Variants in BAG3 observed in about 807,000 individuals in gnomAD.
BAG3 encodes BAG cochaperone 3, also known as BAG family molecular chaperone regulator 3.
In BAG3, 14 loss-of-function variants were observed where a neutral mutation model predicts 40.5. The observed-to-expected ratio is 0.35, with a 90% CI of 0.23 to 0.54. The LOEUF is 0.54. Ranked by LOEUF, BAG3 falls within the 20% of genes least tolerant of loss-of-function variation. The probability of loss-of-function intolerance (pLI) is 0.91; values close to 1 mark genes in which losing one functional copy is unlikely to be tolerated. For synonymous variants in BAG3, 302 were observed against 307.8 expected (o/e 0.98, Z 0.20); for missense variants, 788 against 758.6 (o/e 1.04, Z -0.46).
chr10:119,676,518 G>T lies in BAG3; in HGVS notation c.964G>T (p.Glu322Ter), dbSNP rs1441454058. The T allele has an allele frequency of 6.2e-7, 1 of 1,613,740 alleles. No homozygotes were observed. The change falls in exon 4 of 4, where the codon GAA becomes TAA. Residue 322 changes from glutamate to a stop codon, truncating the protein, a stop_gained. Transcript: ENST00000369085. LOFTEE classifies it high-confidence loss of function. ...TGTTTCCCAGCCTGAAAACAAACCA[G>T]AAAGTAAGCCAGGCCCAGTTGGACC... ...APVSQPENKP[E>*]SKPGPVGPEL...
chr10:119,671,165 G>C (rs943609407), intron 2 of BAG3, among the ~76,000 whole-genome samples: 1 of 152,052 alleles, frequency 6.6e-6, no homozygotes. Flanking sequence ...AAAATTAGCC[G>C]GGCATGGTGG....
Position 119,672,746 on chromosome 10 carries a change from T to A in BAG3, c.909+90T>A. ...GTGGGTGCCCTGGGTTCCCCCTTCA[T>A]CCCTGCCTATTTAACATGCGTGTAC... On this transcript the variant is annotated intron_variant, in intron 3 of 3. Coordinates refer to ENST00000369085, the MANE Select transcript of BAG3 (RefSeq NM_004281.4). The surrounding 1 kb of genome is among the most constrained non-coding windows in gnomAD (Gnocchi z 4.8). 6.4e-7 allele frequency: 1 copy of A among 1,564,742 alleles called. No individual in the cohort carries two copies. Among genetic ancestry groups the A allele is most frequent in the Non-Finnish European group, 8.7e-7 (1 of 1,151,212 alleles).
At position 119,654,452 on chromosome 10, in the gene BAG3, G is replaced by T. The variant is rs187196763; in HGVS notation, c.180+2597G>T. On this transcript the variant is annotated intron_variant, in intron 1 of 3. Coordinates refer to ENST00000369085, the MANE Select transcript of BAG3 (RefSeq NM_004281.4). Reference sequence around the variant, plus strand: ...AATGGAAAGAAAAGACTAGACCTTTGTATTTTATTTCGTCTTCTACTGCCG... The same window carrying T: ...AATGGAAAGAAAAGACTAGACCTTTTTATTTTATTTCGTCTTCTACTGCCG... Among the ~76,000 whole-genome samples the T allele has an allele frequency of 3.9e-4, 60 of 152,336 alleles. No individual in the cohort carries two copies. The East Asian group carries it at 0.01, about 26-fold the overall frequency.
In BAG3 at chr10:119,660,283, C is replaced by T. The variant is rs192772056; in HGVS notation, c.180+8428C>T. On this transcript the variant is annotated intron_variant, in intron 1 of 3. Transcript: ENST00000369085. ...ATGTGTCAAGGAACCACAGTCAGTGCGGCTGGGCGCCCTGCTCAGCCAGGA... is the reference window on the plus strand; with the variant it reads ...ATGTGTCAAGGAACCACAGTCAGTGTGGCTGGGCGCCCTGCTCAGCCAGGA... Among the ~76,000 whole-genome samples, 269 of 152,332 alleles carry T rather than the reference C, an allele frequency of 1.8e-3. 3 individuals are homozygous for T. Among genetic ancestry groups the T allele is most frequent in the African/African-American group, 6.0e-3 (249 of 41,582 alleles).
In BAG3 at chr10:119,677,189, C is replaced by G. The variant is rs148597097; in HGVS notation, c.1635C>G (p.Pro545=). 6.2e-6 allele frequency: 10 copies of G among 1,614,008 alleles called. No homozygotes were observed. In the African/African-American group the frequency reaches 1.1e-4, roughly 17 times the overall value. The change falls in exon 4 of 4, where the codon CCC becomes CCG. Residue 545 remains proline (P), a synonymous_variant. Coordinates refer to ENST00000369085, the MANE Select transcript of BAG3 (RefSeq NM_004281.4). The part of the protein sequence containing the change: ...GKKNAGNAED[P]HTETQQPEAT... ...AAAATGCTGGAAATGCAGAAGATCC[C>G]CACACAGAAACCCAGCAGCCAGAAG...
intron 2 of BAG3, among the ~76,000 whole-genome samples, chr10:119,671,320 A>T (rs1847147184): frequency 6.6e-6 from 1 of 152,252 alleles, no homozygotes; most frequent in African/African-American, 2.4e-5. Context: ...ATAAAAAAAT[A>T]AGTAATGCCT....
At chr10:119,664,579 G>A (rs1295520116) in intron 1 of BAG3, among the ~76,000 whole-genome samples, 2 of 152,104 alleles carry the variant, frequency 1.3e-5, no homozygotes, top group African/African-American at 4.8e-5. Context: ...CTTGGTCACC[G>A]TGGTTGCATC....
At chr10:119,675,908 C>CCCCTTTTCCCCCCTTCCCCCCTTA (rs1847226365) in intron 3 of BAG3, among the ~76,000 whole-genome samples, 1 of 24,380 alleles carries the variant, frequency 4.1e-5, no homozygotes, top group Non-Finnish European at 8.7e-5. Context: ...TTCCCCCCTT[C>CCCCTTTTCCCCCCTTCCCCCCTTA]CTTCCTTCCT....
intron 1 of BAG3, among the ~76,000 whole-genome samples, chr10:119,668,472 G>T (rs754756006): frequency 6.6e-6 from 1 of 152,230 alleles, no homozygotes; most frequent in Non-Finnish European, 1.5e-5. Context: ...CCCTTCTTAA[G>T]AGTTGCCTTA....
intron 3 of BAG3, among the ~76,000 whole-genome samples, chr10:119,674,984 AAAACAAAAAC>A (rs1436560196): frequency 8.0e-5 from 6 of 75,316 alleles, no homozygotes; most frequent in African/African-American, 2.5e-4. Flanking sequence ...CTCAAAAACA[AAAACAAAAAC>A]AAAAAGCGTC....
At chr10:119,662,054 GGTT>G (rs774339688) in intron 1 of BAG3, among the ~76,000 whole-genome samples, 5 of 151,834 alleles carry the variant, frequency 3.3e-5, no homozygotes, top group African/African-American at 7.3e-5. Context: ...TTTTTGTTTT[GGTT>G]GTTGTTTTAA....
At chr10:119,662,312 G>A (rs578249686) in intron 1 of BAG3, among the ~76,000 whole-genome samples, 10 of 143,148 alleles carry the variant, frequency 7.0e-5, no homozygotes, top group African/African-American at 2.6e-4. Flanking sequence ...CAAGTGATCC[G>A]CCCGCCTCGG....
chr10:119,656,665 A>G (rs180760589), intron 1 of BAG3: 8 of 152,242 alleles, frequency 5.3e-5, no homozygotes, highest in African/African-American at 1.9e-4. Context: ...GTCGTCACGT[A>G]TTTCGATGAA....
chr10:119,654,372 T>C (rs1013481434), intron 1 of BAG3, among the ~76,000 whole-genome samples: 2 of 152,156 alleles, frequency 1.3e-5, no homozygotes, highest in Admixed American at 1.3e-4. Flanking sequence ...ACGACCTCTC[T>C]TTTGGGGGAG....
At position 119,677,422 on chromosome 10, in the gene BAG3, A is replaced by G. The variant is rs1185776123; in HGVS notation, c.*140A>G. On this transcript the variant is annotated 3_prime_UTR_variant, in exon 4 of 4. Coordinates refer to ENST00000369085, the MANE Select transcript of BAG3 (RefSeq NM_004281.4). ...TAACTTGGGTGGAGGCAAAACACTAATAAAAGGGCTAAAAAGGAAAATGAT... is the reference window on the plus strand; with the variant it reads ...TAACTTGGGTGGAGGCAAAACACTAGTAAAAGGGCTAAAAAGGAAAATGAT... 2 of 963,498 alleles carry G rather than the reference A, an allele frequency of 2.1e-6. No homozygotes were observed. Among genetic ancestry groups the G allele is most frequent in the African/African-American group, 3.2e-5 (2 of 61,574 alleles). The allele number at this position is 963,498 out of a possible 1,614,324, so 59.7% of individuals were successfully genotyped here. A position where few individuals can be genotyped will look rare whatever the true frequency, so the allele number is the denominator to read the frequency against.
intron 1 of BAG3, among the ~76,000 whole-genome samples, chr10:119,662,446 C>T (rs1008021479): frequency 6.6e-6 from 1 of 151,934 alleles, no homozygotes; most frequent in African/African-American, 2.4e-5. Flanking sequence ...TAATTTTGAT[C>T]CAGGCCTTAG....
At chr10:119,654,060 A>G (rs1375263444) in intron 1 of BAG3, among the ~76,000 whole-genome samples, 1 of 152,212 alleles carries the variant, frequency 6.6e-6, no homozygotes, top group Non-Finnish European at 1.5e-5. Context: ...GGAGAAAACT[A>G]ACATTCAGCC....
At chr10:119,652,814 C>T (rs759698411) in intron 1 of BAG3, among the ~76,000 whole-genome samples, 2 of 152,160 alleles carry the variant, frequency 1.3e-5, no homozygotes, top group Non-Finnish European at 2.9e-5. Flanking sequence ...ACTTCTTAAT[C>T]CCCAAGAGCA....
chr10:119,653,154 G>A (rs1204348822), intron 1 of BAG3, among the ~76,000 whole-genome samples: 1 of 152,210 alleles, frequency 6.6e-6, no homozygotes, highest in Non-Finnish European at 1.5e-5. Flanking sequence ...GCCCAGCAGT[G>A]AGACCGTGTA....
Sources: allele counts gnomAD v4.1 joint callset (sites outside exome capture counted in the v4.1 genomes callset), GRCh38; gene constraint gnomAD v4.1.1; non-coding constraint Gnocchi (gnomAD v3.1); transcripts MANE v1.5; gene names NCBI Gene and HGNC (gene_info 2026-07-23, HGNC 2026-07-21).